Variants in PAPOLA observed in about 807,000 individuals in gnomAD.
PAPOLA encodes poly(A) polymerase alpha, also known as polynucleotide adenylyltransferase alpha.
A neutral mutation model predicts 100.6 loss-of-function variants in PAPOLA; 15 were observed. The ratio of observed to expected loss-of-function variants is 0.15; its 90% CI spans 0.10 to 0.23. The LOEUF is 0.23. PAPOLA is among the 10% of genes least tolerant of loss of function. The pLI is 1.00. For missense variants in PAPOLA, 533 were observed against 884.2 expected (o/e 0.60, Z 5.04); for synonymous variants, 293 against 300.0 (o/e 0.98, Z 0.24).
chr14:96,527,659 C>G (rs981344749), intron 5 of PAPOLA, 120 bp downstream of exon 5: 6 of 642,494 alleles, frequency 9.3e-6, no homozygotes, highest in East Asian at 8.1e-5. Context: ...CCTTTCTAAA[C>G]ACTTGGCATA....
At chr14:96,532,233 A>G in intron 7 of PAPOLA, 98 bp from the exon 8 acceptor site, 1 of 1,429,048 alleles carries the variant, frequency 7.0e-7, no homozygotes, top group Non-Finnish European at 9.1e-7. Context: ...TGGAAGCATT[A>G]CCATTAAACT....
intron 12 of PAPOLA, among the ~76,000 whole-genome samples, chr14:96,538,287 A>G (rs919759670): frequency 3.3e-5 from 5 of 151,980 alleles, no homozygotes; most frequent in East Asian, 1.9e-4. Flanking sequence ...ACTTTGTTCT[A>G]TTCACTTTCG....
At chr14:96,540,541 C>T (rs571106743) in intron 12 of PAPOLA, among the ~76,000 whole-genome samples, 130 of 152,004 alleles carry the variant, frequency 8.6e-4, no homozygotes, top group African/African-American at 2.9e-3. Flanking sequence ...TTTTTCTACA[C>T]ATAAAATACA....
rs376740349 is a variant in PAPOLA, at chr14:96,515,540, A to G, written c.9-4515A>G. Among the ~76,000 whole-genome samples, 190 of 152,370 alleles carry G rather than the reference A, an allele frequency of 1.2e-3. 1 individual carries two copies. The highest frequency in any genetic ancestry group is 4.3e-3 in the African/African-American group (178 of 41,590). ...CAATGGAGCAAAATATTAGGCTACT[A>G]AAAATAGTTCTTAAGGAAATACAGT... is the stretch of plus-strand genomic sequence containing the variant. On this transcript the variant is annotated intron_variant, in intron 1 of 21. Transcript: ENST00000216277.
intron 1 of PAPOLA, among the ~76,000 whole-genome samples, chr14:96,507,280 GTTTTTT>G (rs71103533): frequency 1.7e-4 from 14 of 80,704 alleles, no homozygotes; most frequent in African/African-American, 6.8e-4. Context: ...TTGGAAAATA[GTTTTTT>G]TTTTTTTTTT....
At position 96,560,730 on chromosome 14, in the gene PAPOLA, T is replaced by C; in HGVS notation, c.2067+19T>C. On this transcript the variant is annotated intron_variant, in intron 20 of 21. Coordinates refer to ENST00000216277, the MANE Select transcript of PAPOLA (RefSeq NM_032632.5). ...AGCAAAGGTATACTAATTTAGCCTT[T>C]AGAATACATACACAATTAAGAGTAC... The C allele has an allele frequency of 7.1e-7, 1 of 1,415,252 alleles. No homozygotes were observed. The highest frequency in any genetic ancestry group is 1.0e-6 in the Non-Finnish European group (1 of 1,002,816). 87.7% of individuals were successfully genotyped at this position (1,415,252 alleles called of 1,614,324 possible).
intron 12 of PAPOLA, 84 bp downstream of exon 12, chr14:96,537,144 G>A: frequency 2.5e-6 from 2 of 792,866 alleles, no homozygotes; most frequent in Admixed American, 3.9e-5. Flanking sequence ...CTTCTTGCTG[G>A]ACTAATGTTA....
At position 96,506,771 on chromosome 14, in the gene PAPOLA, T is replaced by C. The variant is rs187848196; in HGVS notation, c.8+4171T>C. On this transcript the variant is annotated intron_variant, in intron 1 of 21. Transcript: ENST00000216277. Reference sequence around the variant, plus strand: ...AACCCATATTTTCCAAATGACCATTTGTGATGTAATAAAATCATATGTGCA... The same window carrying C: ...AACCCATATTTTCCAAATGACCATTCGTGATGTAATAAAATCATATGTGCA... Among the ~76,000 whole-genome samples the C allele has an allele frequency of 8.7e-4, 132 of 152,352 alleles. 1 individual carries two copies. Among genetic ancestry groups the C allele is most frequent in the African/African-American group, 3.1e-3 (130 of 41,594 alleles).
At chr14:96,534,185 T>A (rs1470203229) in intron 9 of PAPOLA, 2 of 1,138,618 alleles carry the variant, frequency 1.8e-6, no homozygotes, top group East Asian at 9.9e-5. Flanking sequence ...TGTTCAAGGT[T>A]GAAGTGGACA....
At chr14:96,530,849 C>T (rs1486480702) in intron 6 of PAPOLA, among the ~76,000 whole-genome samples, 1 of 152,118 alleles carries the variant, frequency 6.6e-6, no homozygotes, top group African/African-American at 2.4e-5. Flanking sequence ...GGTTTTACTC[C>T]TGTCACCCAG....
At chr14:96,561,343 C>T (rs1049487542) in intron 20 of PAPOLA, among the ~76,000 whole-genome samples, 10 of 151,994 alleles carry the variant, frequency 6.6e-5, no homozygotes, top group African/African-American at 2.4e-4. Context: ...GGAAATTCTC[C>T]CCCTTCTCCC....
chr14:96,547,954 CATA>C, intron 16 of PAPOLA, 36 bp downstream of exon 16: 4 of 1,537,966 alleles, frequency 2.6e-6, no homozygotes, highest in East Asian at 2.3e-5. Flanking sequence ...GCATTACTAA[CATA>C]ATGTTTTATG....
At chr14:96,537,845 T>C (rs542781262) in intron 12 of PAPOLA, 2 of 151,992 alleles carry the variant, frequency 1.3e-5, no homozygotes, top group Non-Finnish European at 2.9e-5. Flanking sequence ...TGTTTTGTAA[T>C]AATCTAAGCA....
chr14:96,547,244 C>T (rs915040267), intron 15 of PAPOLA, among the ~76,000 whole-genome samples: 3 of 151,982 alleles, frequency 2.0e-5, no homozygotes, highest in African/African-American at 7.2e-5. Flanking sequence ...TTTTGGGGCC[C>T]TCTGGATCTA....
At chr14:96,516,712 T>A (rs1209390945) in intron 1 of PAPOLA, among the ~76,000 whole-genome samples, 1 of 152,258 alleles carries the variant, frequency 6.6e-6, no homozygotes, top group African/African-American at 2.4e-5. Flanking sequence ...TGAGGCTAGA[T>A]GATGTGCCTA....
At chr14:96,520,831 AAAG>A (rs1897897527) in intron 2 of PAPOLA, 172 bp from the exon 3 acceptor site, 1 of 535,826 alleles carries the variant, frequency 1.9e-6, no homozygotes, top group African/African-American at 1.9e-5. Context: ...ATATATATAG[AAAG>A]AGAGAGAGAG....
At position 96,552,424 on chromosome 14, in the gene PAPOLA, T is replaced by G. The variant is rs1900916622; in HGVS notation, c.1522-56T>G. The G allele has an allele frequency of 7.4e-6, 11 of 1,479,690 alleles. No individual in the cohort carries two copies. In the South Asian group the frequency reaches 1.2e-4, roughly 16 times the overall value. 91.7% of individuals were successfully genotyped at this position (1,479,690 alleles called of 1,614,324 possible). ...ATATGTTAAGTAAAAGGTTTCCATG[T>G]TTCAACATTTGGATGAAATAAAGAT... On this transcript the variant is annotated intron_variant, in intron 16 of 21. Coordinates refer to ENST00000216277, the MANE Select transcript of PAPOLA (RefSeq NM_032632.5).
At chr14:96,512,229 A>T (rs988734466) in intron 1 of PAPOLA, among the ~76,000 whole-genome samples, 1 of 152,010 alleles carries the variant, frequency 6.6e-6, no homozygotes, top group Non-Finnish European at 1.5e-5. Flanking sequence ...TTGTGTTTCT[A>T]TGAATGTGTT....
chr14:96,534,314 T>C, intron 9 of PAPOLA, 177 bp from the exon 10 acceptor site: 1 of 1,387,618 alleles, frequency 7.2e-7, no homozygotes, highest in Non-Finnish European at 9.3e-7. Context: ...GTTCATTTCA[T>C]AGTTAGGAGA....
Sources: gnomAD v4.1 joint callset for allele counts (sites outside exome capture counted in the v4.1 genomes callset) on GRCh38, gnomAD v4.1.1 for gene constraint, MANE v1.5 for transcripts, NCBI Gene and HGNC (gene_info 2026-07-23, HGNC 2026-07-21) for gene names.